RIPK1: variants seen among roughly 807,000 people sequenced by gnomAD.
The protein encoded by RIPK1 is receptor-interacting serine/threonine-protein kinase 1.
Under a neutral mutation model 62.4 loss-of-function variants are expected in RIPK1, and 27 were observed. That is an observed-to-expected ratio of 0.43 (90% CI 0.32 to 0.60). RIPK1 has a LOEUF of 0.60. RIPK1 is among the 20% of genes least tolerant of loss of function. The pLI, the probability that RIPK1 is intolerant of heterozygous loss-of-function variation, is 0.07. For missense variants in RIPK1, 735 were observed against 831.0 expected (o/e 0.88, Z 1.42); for synonymous variants, 287 against 303.2 (o/e 0.95, Z 0.55).
intron 6 of RIPK1, chr6:3,088,541 T>C (rs1245829087): frequency 6.6e-6 from 1 of 152,424 alleles, no homozygotes; most frequent in African/African-American, 2.4e-5. Flanking sequence ...CAGCCCTGGC[T>C]TCCTGTTGGG....
intron 1 of RIPK1, among the ~76,000 whole-genome samples, chr6:3,076,088 T>C (rs1561747408): frequency 6.6e-6 from 1 of 152,190 alleles, no homozygotes; most frequent in Non-Finnish European, 1.5e-5. Context: ...TCCGGTGCTC[T>C]GTTTCTGTCC....
intron 7 of RIPK1, among the ~76,000 whole-genome samples, chr6:3,095,862 T>G (rs1336704591): frequency 7.3e-6 from 1 of 137,780 alleles, no homozygotes; most frequent in African/African-American, 2.6e-5. Flanking sequence ...TTTTTTTTTT[T>G]GAGGCAAGGT....
At chr6:3,074,140 C>T (rs759380217) in intron 1 of RIPK1, among the ~76,000 whole-genome samples, 2 of 152,210 alleles carry the variant, frequency 1.3e-5, no homozygotes, top group African/African-American at 2.4e-5. Flanking sequence ...CCCTAGCCCC[C>T]GTTGATATCC....
chr6:3,075,564 C>T (rs552275572), intron 1 of RIPK1, among the ~76,000 whole-genome samples: 1 of 152,270 alleles, frequency 6.6e-6, no homozygotes, highest in South Asian at 2.1e-4. Context: ...TTCTTTGGTG[C>T]TTACTAGTGC....
chr6:3,096,169 G>T (rs1308228567), intron 7 of RIPK1, among the ~76,000 whole-genome samples: 2 of 152,062 alleles, frequency 1.3e-5, no homozygotes, highest in Non-Finnish European at 2.9e-5. Context: ...GCAAGACCAA[G>T]CTACTTACCA....
intron 9 of RIPK1, among the ~76,000 whole-genome samples, chr6:3,107,463 G>A (rs1176943695): frequency 2.7e-5 from 4 of 150,784 alleles, no homozygotes; most frequent in Non-Finnish European, 4.4e-5. Flanking sequence ...TACTTGGGAG[G>A]GTGAGGCAGG....
chr6:3,086,527 A>C (rs1400725420), intron 6 of RIPK1, among the ~76,000 whole-genome samples: 1 of 152,234 alleles, frequency 6.6e-6, no homozygotes. Context: ...CAGGTTTGGT[A>C]ATTCGTTAGA....
chr6:3,071,990 T>G (rs192137024), intron 1 of RIPK1, among the ~76,000 whole-genome samples: 1 of 152,252 alleles, frequency 6.6e-6, no homozygotes, highest in Admixed American at 6.5e-5. Context: ...TGACCTTTTT[T>G]AAATATTATT....
chr6:3,106,709 A>C (rs1450374101), intron 9 of RIPK1, among the ~76,000 whole-genome samples: 2 of 152,216 alleles, frequency 1.3e-5, no homozygotes, highest in African/African-American at 4.8e-5. Context: ...GAGCTTAGTT[A>C]CATTTTCTTT....
chr6:3,112,507 A>G (rs1561780482), intron 10 of RIPK1, among the ~76,000 whole-genome samples: 1 of 152,180 alleles, frequency 6.6e-6, no homozygotes, highest in Non-Finnish European at 1.5e-5. Context: ...GGATGTGTCT[A>G]CTAGGAGGAA....
intron 4 of RIPK1, among the ~76,000 whole-genome samples, chr6:3,082,245 T>C (rs1190918050): frequency 6.6e-6 from 1 of 152,204 alleles, no homozygotes; most frequent in Non-Finnish European, 1.5e-5. Flanking sequence ...GTCCTAGTCT[T>C]GGACAAAGGG....
At chr6:3,097,063 G>A (rs999868400) in intron 7 of RIPK1, among the ~76,000 whole-genome samples, 5 of 151,928 alleles carry the variant, frequency 3.3e-5, no homozygotes, top group African/African-American at 1.2e-4. Context: ...TAGACATGGG[G>A]TTTCACTATG....
intron 5 of RIPK1, 56 bp downstream of exon 5, chr6:3,083,369 C>G: frequency 6.9e-7 from 1 of 1,443,572 alleles, no homozygotes; most frequent in Non-Finnish European, 9.4e-7. Flanking sequence ...CGCACTGTGC[C>G]TGGAACTAAT....
chr6:3,089,799 T>C (rs1352280637), intron 7 of RIPK1, 142 bp downstream of exon 7: 9 of 595,144 alleles, frequency 1.5e-5, no homozygotes, highest in Non-Finnish European at 2.4e-5. Flanking sequence ...AGCAATTGTC[T>C]GCACATATCA....
At chr6:3,068,877 T>A in intron 1 of RIPK1, 3 of 177,772 alleles carry the variant, frequency 1.7e-5, no homozygotes, top group Non-Finnish European at 3.3e-5. Context: ...GGTGCTTGCG[T>A]GGAGGCCGGG....
At chr6:3,064,391 C>T (rs1758287283), upstream of RIPK1, among the ~76,000 whole-genome samples, 1 of 152,212 alleles carries the variant, frequency 6.6e-6, no homozygotes, top group African/African-American at 2.4e-5. Context: ...CTCTGGGATC[C>T]GCAGGATGAC....
intron 3 of RIPK1, among the ~76,000 whole-genome samples, 161 bp from the exon 4 acceptor site, chr6:3,080,818 C>T (rs1227891660): frequency 6.8e-6 from 1 of 147,080 alleles, no homozygotes; most frequent in African/African-American, 2.5e-5. Context: ...CGAATGAAAT[C>T]TTTCTTGTTT....
At position 3,110,929 on chromosome 6, in the gene RIPK1, C is replaced by T; in HGVS notation, c.1703C>T (p.Pro568Leu). Residue 568 changes from proline (P) to leucine (L), a missense_variant, in exon 10 of 11, where the codon CCA (proline) becomes CTA (leucine). Physicochemically the swap from Pro to Leu is moderately conservative, Grantham distance 98. Transcript: ENST00000259808. Reference protein sequence around the residue: ...DSTNTNFKEEPAAKYQAIFDN... With the variant: ...DSTNTNFKEELAAKYQAIFDN... ...ACAAATACGAACTTCAAAGAAGAGC[C>T]AGCTGCTAAGTACCAAGCTATCTTT... 6.2e-7 allele frequency: 1 copy of T among 1,613,268 alleles called. No individual in the cohort carries two copies.
At position 3,105,237 on chromosome 6, in the gene RIPK1, C is replaced by T. The variant is rs1760780206; in HGVS notation, c.1007-245C>T. Among the ~76,000 whole-genome samples, 1 of 152,126 alleles carries T rather than the reference C, an allele frequency of 6.6e-6. No individual in the cohort carries two copies. Among genetic ancestry groups the T allele is most frequent in the Non-Finnish European group, 1.5e-5 (1 of 68,022 alleles). On this transcript the variant is annotated intron_variant, in intron 8 of 10. Coordinates refer to ENST00000259808, the MANE Select transcript of RIPK1 (RefSeq NM_001354930.2). This position sits in a 1 kb window ranked among gnomAD's most constrained non-coding sequence, Gnocchi z 4.5. ...CAAGTCCCTTTTTTCCTTGATCATC[C>T]CTGCAACAGCCGCTTTTCTCTTGCT... is the stretch of plus-strand genomic sequence containing the variant.
Sources: allele counts gnomAD v4.1 joint callset (sites outside exome capture counted in the v4.1 genomes callset), GRCh38; gene constraint gnomAD v4.1.1; non-coding constraint Gnocchi (gnomAD v3.1); transcripts MANE v1.5; gene names NCBI Gene and HGNC (gene_info 2026-07-23, HGNC 2026-07-21).